The following KCNQ4 variants were observed in gnomAD, a reference collection of about 807,000 sequenced individuals.
KCNQ4 encodes potassium voltage-gated channel subfamily KQT member 4.
KCNQ4 carries 31 observed loss-of-function variants against 72.6 expected under a neutral mutation model. The observed-to-expected ratio is 0.43, with a 90% CI of 0.32 to 0.58. The LOEUF (loss-of-function observed/expected upper bound fraction) is 0.58. Among genes scored for constraint, KCNQ4 ranks in the 20% least tolerant of loss-of-function variants. The probability of loss-of-function intolerance (pLI) is 0.08; values close to 1 mark genes in which losing one functional copy is unlikely to be tolerated. For synonymous variants in KCNQ4, 405 were observed against 403.7 expected (o/e 1.00, Z -0.04); for missense variants, 869 against 962.6 (o/e 0.90, Z 1.29).
In KCNQ4 at chr1:40,817,362, G is replaced by A. The variant is rs1445250029; in HGVS notation, c.405+7G>A. On this transcript the variant is annotated splice_region_variant and intron_variant, in intron 2 of 13. Coordinates refer to ENST00000347132, the MANE Select transcript of KCNQ4 (RefSeq NM_004700.4). This position sits in a 1 kb window ranked among gnomAD's most constrained non-coding sequence, Gnocchi z 5.5. ...CGAGTGTCTCCTCATCTTGGTAAGT[G>A]CTGGGAGTCCGGGACTGAGGGGGGC... is the stretch of plus-strand genomic sequence containing the variant. The A allele has an allele frequency of 6.2e-7, 1 of 1,611,632 alleles. No homozygotes were observed. Among genetic ancestry groups the A allele is most frequent in the Non-Finnish European group, 8.5e-7 (1 of 1,178,158 alleles).
At chr1:40,806,448 A>G (rs1179987496) in intron 1 of KCNQ4, among the ~76,000 whole-genome samples, 1 of 152,220 alleles carries the variant, frequency 6.6e-6, no homozygotes, top group South Asian at 2.1e-4. Flanking sequence ...ACCTGGTGCA[A>G]CAGGTAGGCA....
chr1:40,819,383 C>G lies in KCNQ4; in HGVS notation c.745C>G (p.Leu249Val). The G allele has an allele frequency of 6.2e-7, 1 of 1,613,918 alleles. No homozygotes were observed. The highest frequency in any genetic ancestry group is 8.5e-7 in the Non-Finnish European group (1 of 1,179,980). ...ITAWYIGFLV[L>V]IFASFLVYLA... ...CGCCTGGTACATCGGGTTCCTGGTG[C>G]TCATCTTCGCCTCCTTCCTGGTCTA... Residue 249 changes from leucine (L) to valine (V), a missense_variant, in exon 5 of 14, where the codon CTC becomes GTC. Leu to Val is a conservative substitution (Grantham distance 32). Coordinates refer to ENST00000347132, the MANE Select transcript of KCNQ4 (RefSeq NM_004700.4).
chr1:40,838,800 A>G lies in KCNQ4; in HGVS notation c.*277A>G. ...CCCCCAGTGCCCTGCCCACTCCATCAAGGCCCTATGTGGCCCACCTGGCAG... is the reference window on the plus strand; with the variant it reads ...CCCCCAGTGCCCTGCCCACTCCATCGAGGCCCTATGTGGCCCACCTGGCAG... On this transcript the variant is annotated 3_prime_UTR_variant, in exon 14 of 14. Coordinates refer to ENST00000347132, the MANE Select transcript of KCNQ4 (RefSeq NM_004700.4). 1 of 541,000 alleles carries G rather than the reference A, an allele frequency of 1.8e-6. No individual in the cohort carries two copies. Among genetic ancestry groups the G allele is most frequent in the Non-Finnish European group, 3.4e-6 (1 of 297,894 alleles). The allele number at this position is 541,000 out of a possible 1,614,324, so 33.5% of individuals were successfully genotyped here.
At chr1:40,825,705 G>A (rs906693695) in intron 9 of KCNQ4, among the ~76,000 whole-genome samples, 1 of 152,094 alleles carries the variant, frequency 6.6e-6, no homozygotes, top group Admixed American at 6.5e-5. Context: ...ACCAAACATA[G>A]TTTCCAGGCG....
At chr1:40,816,804 G>C (rs1648098233) in intron 1 of KCNQ4, among the ~76,000 whole-genome samples, 1 of 152,212 alleles carries the variant, frequency 6.6e-6, no homozygotes, top group Non-Finnish European at 1.5e-5. Context: ...ATGAGGCCAG[G>C]CTCCTGCCAC....
At chr1:40,829,473 C>T (rs563044557) in intron 9 of KCNQ4, among the ~76,000 whole-genome samples, 24 of 152,208 alleles carry the variant, frequency 1.6e-4, no homozygotes, top group African/African-American at 5.3e-4. Flanking sequence ...GGGCAGAGGC[C>T]GCCACCCCTA....
chr1:40,789,720 C>A (rs944886562), intron 1 of KCNQ4, among the ~76,000 whole-genome samples: 1 of 152,206 alleles, frequency 6.6e-6, no homozygotes, highest in African/African-American at 2.4e-5. Flanking sequence ...GCTGCCGAAG[C>A]CCTTATCCTT....
intron 9 of KCNQ4, 73 bp downstream of exon 9, chr1:40,824,331 C>T: frequency 6.7e-7 from 1 of 1,502,220 alleles, no homozygotes; most frequent in Non-Finnish European, 9.0e-7. Context: ...TTCATCCTCT[C>T]TCAGACCTGC....
At chr1:40,797,372 CA>C (rs1196068522) in intron 1 of KCNQ4, among the ~76,000 whole-genome samples, 1 of 152,228 alleles carries the variant, frequency 6.6e-6, no homozygotes, top group Non-Finnish European at 1.5e-5. Context: ...GAGAGAATAG[CA>C]CAGGCAGAGA....
In KCNQ4 at chr1:40,788,138, A is replaced by T. The variant is rs951247042; in HGVS notation, c.314+3731A>T. ...TCCCACCCCGGCCATCTGAGAAAGA[A>T]CATCGCCTGGGTTGGAAATCATCCC... On this transcript the variant is annotated intron_variant, in intron 1 of 13. Coordinates refer to ENST00000347132, the MANE Select transcript of KCNQ4 (RefSeq NM_004700.4). The surrounding 1 kb of genome is among the most constrained non-coding windows in gnomAD (Gnocchi z 4.5). Among the ~76,000 whole-genome samples, 2 of 152,166 alleles carry T rather than the reference A, an allele frequency of 1.3e-5. No individual in the cohort carries two copies. The highest frequency in any genetic ancestry group is 4.8e-5 in the African/African-American group (2 of 41,438).
chr1:40,797,733 A>AGAGCTATTG (rs1339544320), intron 1 of KCNQ4, among the ~76,000 whole-genome samples: 1 of 152,076 alleles, frequency 6.6e-6, no homozygotes, highest in Admixed American at 6.6e-5. Flanking sequence ...TGCCTCCTCC[A>AGAGCTATTG]GAGCTATTGA....
chr1:40,822,281 A>G, intron 7 of KCNQ4, 33 bp from the exon 8 acceptor site: 1 of 1,563,958 alleles, frequency 6.4e-7, no homozygotes, highest in Non-Finnish European at 8.8e-7. Context: ...GGCCTCACTG[A>G]TGCCCCATCC....
At chr1:40,795,040 G>C (rs1464840798) in intron 1 of KCNQ4, among the ~76,000 whole-genome samples, 1 of 152,126 alleles carries the variant, frequency 6.6e-6, no homozygotes, top group East Asian at 1.9e-4. Context: ...GCACTGGACC[G>C]GGAGGCAGCA....
chr1:40,796,600 T>A (rs1466597105), intron 1 of KCNQ4, among the ~76,000 whole-genome samples: 2 of 151,986 alleles, frequency 1.3e-5, no homozygotes. Context: ...GGGGGTGATA[T>A]TAGGAGAAGT....
At chr1:40,792,130 C>T (rs1008264037) in intron 1 of KCNQ4, among the ~76,000 whole-genome samples, 1 of 152,166 alleles carries the variant, frequency 6.6e-6, no homozygotes, top group Admixed American at 6.5e-5. Context: ...TCTGCCACTT[C>T]TCTCTGGGAG....
chr1:40,818,677 C>G lies in KCNQ4; in HGVS notation c.705C>G (p.Ser235Arg). 1.3e-6 allele frequency: 2 copies of G among 1,599,478 alleles called. No homozygotes were observed. Among genetic ancestry groups the G allele is most frequent in the South Asian group, 1.1e-5 (1 of 90,096 alleles). ...KLLGSVVYAH[S>R]KELITAWYIG... ...TGGGCTCAGTGGTCTACGCGCATAGCAAGGTGAGGCCTGCAAGCCGCGCGC... is the reference window on the plus strand; with the variant it reads ...TGGGCTCAGTGGTCTACGCGCATAGGAAGGTGAGGCCTGCAAGCCGCGCGC... The change falls in exon 4 of 14, where the codon AGC (serine) becomes AGG (arginine). Residue 235 changes from serine to arginine, a missense_variant. By Grantham distance (110) the Ser-to-Arg change is moderately radical. Around this residue, in one of 5 missense-constraint regions of KCNQ4, gnomAD observed 179 missense variants for 243.0 expected, o/e 0.74. Coordinates refer to ENST00000347132, the MANE Select transcript of KCNQ4 (RefSeq NM_004700.4).
rs1648873175 is a variant in KCNQ4, at chr1:40,838,374, G to A, written c.1939G>A (p.Gly647Ser). 6.2e-7 allele frequency: 1 copy of A among 1,613,992 alleles called. No individual in the cohort carries two copies. The highest frequency in any genetic ancestry group is 1.3e-5 in the African/African-American group (1 of 75,042). ...LGFYSRCLRS[G>S]TSASLGAVQV... ...CTTCTATTCGCGCTGCCTGCGCTCTGGCACCTCGGCCAGCCTGGGCGCCGT... is the reference window on the plus strand; with the variant it reads ...CTTCTATTCGCGCTGCCTGCGCTCTAGCACCTCGGCCAGCCTGGGCGCCGT... The change falls in exon 14 of 14, where the codon GGC (glycine) becomes AGC (serine). Residue 647 changes from glycine (G) to serine (S), a missense_variant. Gly to Ser is a moderately conservative substitution (Grantham distance 56). Around this residue, in one of 5 missense-constraint regions of KCNQ4, gnomAD observed 480 missense variants for 501.9 expected, o/e 0.96. Transcript: ENST00000347132.
At chr1:40,814,046 CTTTTT>C (rs35243800) in intron 1 of KCNQ4, among the ~76,000 whole-genome samples, 2 of 52,706 alleles carry the variant, frequency 3.8e-5, no homozygotes, top group East Asian at 5.2e-4. Context: ...TGCGCCCGGC[CTTTTT>C]TTTTTTTTTT....
At chr1:40,830,583 G>T (rs963341392) in intron 9 of KCNQ4, among the ~76,000 whole-genome samples, 5 of 151,648 alleles carry the variant, frequency 3.3e-5, no homozygotes, top group Middle Eastern at 3.2e-3. Flanking sequence ...GTGCATGCGC[G>T]CACACACACA....
Sources: gnomAD v4.1 joint callset for allele counts (sites outside exome capture counted in the v4.1 genomes callset) on GRCh38, gnomAD v4.1.1 for gene constraint, gnomAD v4.1.1 regional missense constraint, Gnocchi (gnomAD v3.1) non-coding constraint, MANE v1.5 for transcripts, NCBI Gene and HGNC (gene_info 2026-07-23, HGNC 2026-07-21) for gene names.